The following HCRTR2 variants were observed in gnomAD, a reference collection of about 807,000 sequenced individuals.
HCRTR2 encodes the protein orexin receptor type 2.
In HCRTR2, 22 loss-of-function variants were observed where a neutral mutation model predicts 49.0. The ratio of observed to expected loss-of-function variants is 0.45; its 90% CI spans 0.32 to 0.64. The LOEUF is 0.64. Among genes scored for constraint, HCRTR2 ranks in the 30% least tolerant of loss-of-function variants. The probability of loss-of-function intolerance (pLI) is 0.04; values close to 1 mark genes in which losing one functional copy is unlikely to be tolerated. For missense variants in HCRTR2, 491 were observed against 559.4 expected (o/e 0.88, Z 1.23); for synonymous variants, 236 against 205.3 (o/e 1.15, Z -1.28).
chr6:55,109,484 A>G lies in HCRTR2; in HGVS notation c.-378+2939A>G, dbSNP rs1203176893. On this transcript the variant is annotated intron_variant, in intron 1 of 7. Coordinates refer to the HCRTR2 transcript ENST00000615358. ...AGAAATTAAAAAAAAAAGTTATAGG[A>G]TATGGATGGAAAAATCTCCAGAGAA... 2.6e-5 allele frequency among the ~76,000 whole-genome samples: 4 copies of G among 152,072 alleles called. No homozygotes were observed. In the East Asian group the frequency reaches 7.7e-4, roughly 29 times the overall value.
intron 1 of HCRTR2, among the ~76,000 whole-genome samples, chr6:55,117,655 A>C (rs984570041): frequency 1.5e-4 from 22 of 151,296 alleles, no homozygotes; most frequent in Admixed American, 6.6e-5. Context: ...GAGCAATTGC[A>C]CCTGTTGTAA....
intron 1 of HCRTR2, among the ~76,000 whole-genome samples, chr6:55,224,053 A>G (rs762305202): frequency 6.6e-6 from 1 of 152,216 alleles, no homozygotes; most frequent in Non-Finnish European, 1.5e-5. Context: ...TTAGATAATG[A>G]GTCATCTTAG....
chr6:55,131,638 A>G (rs950422011), intron 1 of HCRTR2, among the ~76,000 whole-genome samples: 7 of 151,858 alleles, frequency 4.6e-5, no homozygotes, highest in Non-Finnish European at 8.9e-5. Flanking sequence ...TTAAGTGGAA[A>G]TAACAATTTT....
intron 1 of HCRTR2, among the ~76,000 whole-genome samples, chr6:55,220,989 C>T (rs960836833): frequency 6.6e-6 from 1 of 152,032 alleles, no homozygotes; most frequent in Non-Finnish European, 1.5e-5. Context: ...ATAAGCTTAA[C>T]CAAGGAGGCT....
At chr6:55,281,809 G>A (rs941860867) in intron 6 of HCRTR2, among the ~76,000 whole-genome samples, 2 of 152,116 alleles carry the variant, frequency 1.3e-5, no homozygotes, top group African/African-American at 2.4e-5. Flanking sequence ...GTTATTTAGA[G>A]TAAAATGCAG....
intron 1 of HCRTR2, among the ~76,000 whole-genome samples, chr6:55,208,088 C>T (rs1256371971): frequency 1.3e-5 from 2 of 151,852 alleles, no homozygotes; most frequent in African/African-American, 4.8e-5. Context: ...GGATTGTTAC[C>T]CTAATGAGGT....
At chr6:55,196,000 A>G (rs915713510) in intron 1 of HCRTR2, among the ~76,000 whole-genome samples, 1 of 152,134 alleles carries the variant, frequency 6.6e-6, no homozygotes, top group Non-Finnish European at 1.5e-5. Flanking sequence ...ACAACAACAA[A>G]AACAAAAACA....
chr6:55,220,662 C>T (rs980048671), intron 1 of HCRTR2, among the ~76,000 whole-genome samples: 1 of 152,072 alleles, frequency 6.6e-6, no homozygotes, highest in Non-Finnish European at 1.5e-5. Context: ...TAAGAATGTC[C>T]ATTCTTGCCA....
At chr6:55,132,844 T>C (rs1010740995) in intron 1 of HCRTR2, among the ~76,000 whole-genome samples, 1 of 151,590 alleles carries the variant, frequency 6.6e-6, no homozygotes, top group South Asian at 2.1e-4. Context: ...GGGGTTGATC[T>C]TCATGAATCA....
intron 1 of HCRTR2, among the ~76,000 whole-genome samples, chr6:55,238,919 A>G (rs1465736861): frequency 6.6e-6 from 1 of 152,136 alleles, no homozygotes; most frequent in Non-Finnish European, 1.5e-5. Context: ...CTTGGGGAGG[A>G]TCGGATTGGT....
intron 1 of HCRTR2, among the ~76,000 whole-genome samples, chr6:55,131,866 C>T (rs73432933): frequency 0.037 from 5,565 of 151,768 alleles, 336 homozygotes; most frequent in African/African-American, 0.12. Context: ...ATAAGAAACT[C>T]CTGTTTCCAA....
chr6:55,276,257 C>A (rs1767074773), intron 4 of HCRTR2, among the ~76,000 whole-genome samples: 1 of 152,140 alleles, frequency 6.6e-6, no homozygotes, highest in Non-Finnish European at 1.5e-5. Context: ...TTGTTAACAT[C>A]ATTTGCCTCT....
intron 1 of HCRTR2, among the ~76,000 whole-genome samples, chr6:55,187,911 G>A (rs1459861387): frequency 6.6e-6 from 1 of 151,888 alleles, no homozygotes; most frequent in African/African-American, 2.4e-5. Flanking sequence ...CGAGTAGCTG[G>A]GACTACAGGC....
In HCRTR2 at chr6:55,174,693, G is replaced by A. The variant is rs1406582957; in HGVS notation, c.106G>A (p.Asp36Asn). Residue 36 changes from aspartate to asparagine, a missense_variant, in exon 1 of 7, where the codon GAC becomes AAC. Physicochemically the swap from Asp to Asn is conservative, Grantham distance 23 (BLOSUM62 1). Transcript: ENST00000370862. ...CTTTTTAAACCCCACCGACTATGAC[G>A]ACGAGGAATTCCTGCGGTACCTGTG... The part of the protein sequence containing the change: ...EPFLNPTDYD[D>N]EEFLRYLWRE... The A allele has an allele frequency of 1.1e-5, 17 of 1,614,100 alleles. No homozygotes were observed. The highest frequency in any genetic ancestry group is 1.3e-5 in the Non-Finnish European group (15 of 1,180,030).
chr6:55,179,677 C>T (rs1765098479), intron 1 of HCRTR2, among the ~76,000 whole-genome samples: 1 of 152,088 alleles, frequency 6.6e-6, no homozygotes, highest in South Asian at 2.1e-4. Flanking sequence ...TACCAGTTTT[C>T]AAGAGACCAA....
intron 1 of HCRTR2, among the ~76,000 whole-genome samples, chr6:55,133,725 G>T (rs905171226): frequency 2.6e-5 from 4 of 151,598 alleles, no homozygotes; most frequent in Non-Finnish European, 5.9e-5. Context: ...AGGCATGTTT[G>T]TCTGTCTTGG....
intron 1 of HCRTR2, among the ~76,000 whole-genome samples, chr6:55,231,039 T>C (rs2127299906): frequency 6.6e-6 from 1 of 152,250 alleles, no homozygotes; most frequent in Non-Finnish European, 1.5e-5. Context: ...TTTCTAGACT[T>C]GAGTGTCATT....
intron 1 of HCRTR2, among the ~76,000 whole-genome samples, chr6:55,222,485 C>G (rs1765918099): frequency 6.6e-6 from 1 of 151,998 alleles, no homozygotes; most frequent in South Asian, 2.1e-4. Flanking sequence ...TATTTGCACT[C>G]TCATGTTTAT....
intron 1 of HCRTR2, among the ~76,000 whole-genome samples, chr6:55,198,192 C>G (rs1050141468): frequency 1.3e-5 from 2 of 152,268 alleles, no homozygotes; most frequent in African/African-American, 2.4e-5. Context: ...AAACCCCAAT[C>G]TGTATCTCTA....
Sources: gnomAD v4.1 joint callset for allele counts (sites outside exome capture counted in the v4.1 genomes callset) on GRCh38, gnomAD v4.1.1 for gene constraint, MANE v1.5 for transcripts, NCBI Gene and HGNC (gene_info 2026-07-23, HGNC 2026-07-21) for gene names.